EBF1: variants seen among roughly 807,000 people sequenced by gnomAD.
The protein encoded by EBF1 is transcription factor COE1.
In EBF1, 10 loss-of-function variants were observed where a neutral mutation model predicts 68.4. That is an observed-to-expected ratio of 0.15 (90% CI 0.09 to 0.25). The LOEUF (loss-of-function observed/expected upper bound fraction) is 0.25. Among genes scored for constraint, EBF1 ranks in the 10% least tolerant of loss-of-function variants. The probability of loss-of-function intolerance (pLI) is 1.00; values close to 1 mark genes in which losing one functional copy is unlikely to be tolerated. For missense variants in EBF1, 509 were observed against 794.4 expected (o/e 0.64, Z 4.32); for synonymous variants, 298 against 299.8 (o/e 0.99, Z 0.06).
In EBF1 at chr5:158,698,905, C is replaced by T. The variant is rs564537880; in HGVS notation, c.*206G>A. The T allele has an allele frequency of 8.8e-6, 4 of 452,638 alleles. No individual in the cohort carries two copies. The highest frequency in any genetic ancestry group is 1.6e-5 in the Non-Finnish European group (4 of 254,390). The allele number at this position is 452,638 out of a possible 1,614,324, so 28.0% of individuals were successfully genotyped here. On this transcript the variant is annotated 3_prime_UTR_variant, in exon 16 of 16. Transcript: ENST00000313708. Reference sequence around the variant, plus strand: ...TCCCCCAAATACTTGGGAGGTACAACTTTAACCAACACCCTGCACTTGCAG... The same window carrying T: ...TCCCCCAAATACTTGGGAGGTACAATTTTAACCAACACCCTGCACTTGCAG...
At chr5:158,947,762 T>G (rs1815096833) in intron 6 of EBF1, among the ~76,000 whole-genome samples, 1 of 152,192 alleles carries the variant, frequency 6.6e-6, no homozygotes, top group South Asian at 2.1e-4. Context: ...GAAGTAATCA[T>G]GTCTGAGCAA....
intron 6 of EBF1, among the ~76,000 whole-genome samples, chr5:159,005,405 C>CACTGATAAT (rs1763358402): frequency 6.6e-6 from 1 of 152,294 alleles, no homozygotes; most frequent in Admixed American, 6.5e-5. Context: ...AATGAACCAA[C>CACTGATAAT]ACTGATAATG....
intron 4 of EBF1, among the ~76,000 whole-genome samples, chr5:159,088,765 A>C (rs1781143497): frequency 6.6e-6 from 1 of 152,128 alleles, no homozygotes; most frequent in East Asian, 1.9e-4. Context: ...GTTTATCTGA[A>C]GTGAAGATGG....
At chr5:158,948,560 A>G (rs916824328) in intron 6 of EBF1, among the ~76,000 whole-genome samples, 1 of 152,196 alleles carries the variant, frequency 6.6e-6, no homozygotes, top group Non-Finnish European at 1.5e-5. Flanking sequence ...CCAAATTTGC[A>G]CTACCTGCTA....
chr5:158,808,208 C>A (rs1781956667), intron 8 of EBF1, among the ~76,000 whole-genome samples: 1 of 152,126 alleles, frequency 6.6e-6, no homozygotes, highest in Admixed American at 6.6e-5. Context: ...CCACTTTCAT[C>A]TCAACTCTAT....
intron 6 of EBF1, among the ~76,000 whole-genome samples, chr5:158,995,956 C>T (rs1028085580): frequency 7.9e-5 from 12 of 152,176 alleles, no homozygotes; most frequent in Admixed American, 2.0e-4. Context: ...GGTGCAATAA[C>T]GGTGTCAAGT....
chr5:158,979,645 C>CTT (rs543772079), intron 6 of EBF1, among the ~76,000 whole-genome samples: 28 of 151,126 alleles, frequency 1.9e-4, no homozygotes, highest in Middle Eastern at 6.8e-3. Flanking sequence ...TTAGACTAGA[C>CTT]TTTTCTTCCC....
At chr5:159,050,182 T>TCTC (rs1773284273) in intron 6 of EBF1, among the ~76,000 whole-genome samples, 1 of 115,000 alleles carries the variant, frequency 8.7e-6, no homozygotes, top group Non-Finnish European at 1.8e-5. Context: ...CTCTCTCTCT[T>TCTC]CTCTCTTTTC....
chr5:158,707,944 T>G, intron 15 of EBF1, 35 bp downstream of exon 15: 1 of 1,540,548 alleles, frequency 6.5e-7, no homozygotes, highest in South Asian at 1.2e-5. Flanking sequence ...GTCAGGGCAT[T>G]GAATCTGGAT....
chr5:159,018,400 C>G (rs752014923), intron 6 of EBF1, among the ~76,000 whole-genome samples: 1 of 152,290 alleles, frequency 6.6e-6, no homozygotes, highest in Non-Finnish European at 1.5e-5. Flanking sequence ...AGTATGCATG[C>G]GTTTGCAACC....
At chr5:158,769,367 G>C (rs1046979841) in intron 10 of EBF1, among the ~76,000 whole-genome samples, 1 of 151,944 alleles carries the variant, frequency 6.6e-6, no homozygotes, top group Non-Finnish European at 1.5e-5. Context: ...ATAAGGCCTC[G>C]TGGCCATTTA....
At chr5:159,074,733 T>C (rs1320202595) in intron 5 of EBF1, among the ~76,000 whole-genome samples, 1 of 152,242 alleles carries the variant, frequency 6.6e-6, no homozygotes, top group Non-Finnish European at 1.5e-5. Flanking sequence ...TTTTCTTTCA[T>C]GTCTTCGGAG....
chr5:158,765,761 A>G (rs1036978340), intron 10 of EBF1, among the ~76,000 whole-genome samples: 3 of 152,130 alleles, frequency 2.0e-5, no homozygotes, highest in Non-Finnish European at 2.9e-5. Context: ...CCTGATATTA[A>G]TGGGATGGTT....
chr5:158,993,070 AG>A (rs1760704695), intron 6 of EBF1, among the ~76,000 whole-genome samples: 1 of 151,250 alleles, frequency 6.6e-6, no homozygotes, highest in African/African-American at 2.4e-5. Context: ...CCGGGATTAC[AG>A]GTGCACGCTG....
Position 158,988,004 on chromosome 5 carries a change from CCT to C in EBF1, c.554+85390_554+85391del, listed in dbSNP as rs145255486. Reference sequence around the variant, plus strand: ...AGAAAACAGGCCACTCTCCCCAGCTCCTCTGTTTCTGAAGCACCGTTTATAAC... The same window carrying C: ...AGAAAACAGGCCACTCTCCCCAGCTCCTGTTTCTGAAGCACCGTTTATAAC... On this transcript the variant is annotated intron_variant, in intron 6 of 15. Coordinates refer to ENST00000313708, the MANE Select transcript of EBF1 (RefSeq NM_024007.5). 4.4e-3 allele frequency among the ~76,000 whole-genome samples: 671 copies of C among 152,302 alleles called. 6 individuals are homozygous for C. Among genetic ancestry groups the C allele is most frequent in the African/African-American group, 0.015 (639 of 41,560 alleles).
chr5:159,089,160 T>C (rs1781204352), intron 4 of EBF1, among the ~76,000 whole-genome samples: 1 of 152,128 alleles, frequency 6.6e-6, no homozygotes, highest in South Asian at 2.1e-4. Context: ...TTTTTGATAC[T>C]CTCTTCACTT....
chr5:158,872,318 T>C (rs942687799), intron 6 of EBF1, among the ~76,000 whole-genome samples: 29 of 152,014 alleles, frequency 1.9e-4, no homozygotes, highest in African/African-American at 7.0e-4. Flanking sequence ...TGTCTCAGAC[T>C]CCCAAGTAGC....
intron 6 of EBF1, among the ~76,000 whole-genome samples, chr5:158,928,298 A>T (rs931733998): frequency 2.6e-5 from 4 of 152,180 alleles, no homozygotes; most frequent in South Asian, 2.1e-4. Context: ...GCACATAGTA[A>T]GTGTTCAATA....
chr5:158,798,629 T>A (rs1366085916), intron 8 of EBF1, among the ~76,000 whole-genome samples: 3 of 152,162 alleles, frequency 2.0e-5, no homozygotes, highest in Non-Finnish European at 2.9e-5. Flanking sequence ...AGAAGTCACG[T>A]GGGTGTACAT....
Sources: gnomAD v4.1 joint callset for allele counts (sites outside exome capture counted in the v4.1 genomes callset) on GRCh38, gnomAD v4.1.1 for gene constraint, MANE v1.5 for transcripts, NCBI Gene and HGNC (gene_info 2026-07-23, HGNC 2026-07-21) for gene names.